Variants in ODF2 observed in about 807,000 individuals in gnomAD.
ODF2 encodes the protein outer dense fiber of sperm tails 2, also known as outer dense fiber protein 2.
A neutral mutation model predicts 110.2 loss-of-function variants in ODF2; 47 were observed. The observed-to-expected ratio is 0.43, with a 90% confidence interval of 0.34 to 0.54. The LOEUF is 0.54. Among genes scored for constraint, ODF2 ranks in the 20% least tolerant of loss-of-function variants. The probability of loss-of-function intolerance (pLI) is 0.03; values close to 1 mark genes in which losing one functional copy is unlikely to be tolerated. For synonymous variants in ODF2, 352 were observed against 397.7 expected (o/e 0.89, Z 1.37); for missense variants, 812 against 1,054.5 (o/e 0.77, Z 3.19).
intron 20 of ODF2, among the ~76,000 whole-genome samples, 154 bp downstream of exon 20, chr9:128,499,280 G>C (rs1200363441): frequency 6.6e-6 from 1 of 152,068 alleles, no homozygotes; most frequent in African/African-American, 2.4e-5. Flanking sequence ...GGATATCCTG[G>C]GTAGATATTT....
intron 14 of ODF2, among the ~76,000 whole-genome samples, chr9:128,491,393 C>T (rs1403702376): frequency 6.6e-6 from 1 of 151,506 alleles, no homozygotes; most frequent in South Asian, 2.1e-4. Context: ...TGTGGTGGCT[C>T]ACGCCTATAA....
At chr9:128,478,711 T>G (rs1369872934) in intron 8 of ODF2, among the ~76,000 whole-genome samples, 1 of 152,150 alleles carries the variant, frequency 6.6e-6, no homozygotes, top group African/African-American at 2.4e-5. Context: ...GGTCAGCTAA[T>G]TTGAATTCCC....
Position 128,456,771 on chromosome 9 carries a change from C to T in ODF2, c.-208-427C>T. 3.1e-6 allele frequency: 4 copies of T among 1,305,530 alleles called. No individual in the cohort carries two copies. The South Asian group carries it at 5.2e-5, about 17-fold the overall frequency. 80.9% of individuals were successfully genotyped at this position (1,305,530 alleles called of 1,614,324 possible). A position where few individuals can be genotyped will look rare whatever the true frequency, so the allele number is the denominator to read the frequency against. Reference sequence around the variant, plus strand: ...GCCCTCGCCCGGCGGGGGGGGGTCCCGCCCGCCCCCTCCCAGCCCGGCGTC... The same window carrying T: ...GCCCTCGCCCGGCGGGGGGGGGTCCTGCCCGCCCCCTCCCAGCCCGGCGTC... On this transcript the variant is annotated intron_variant, in intron 1 of 20. Transcript: ENST00000604420.
At chr9:128,456,190 G>A (rs771347160) in exon 1 of ODF2, 1 of 1,548,554 alleles carries the variant, frequency 6.5e-7, no homozygotes, top group Non-Finnish European at 8.7e-7. Flanking sequence ...TCCATGGCAC[G>A]ACCCTGGCCT....
At chr9:128,483,881 G>T (rs1055134402) in intron 10 of ODF2, 57 bp from the exon 11 acceptor site, 2 of 1,220,408 alleles carry the variant, frequency 1.6e-6, no homozygotes, top group African/African-American at 1.5e-5. Context: ...GCAAGACTCC[G>T]TATGAAAAAA....
In ODF2 at chr9:128,500,057, T is replaced by C. The variant is rs1435092797; in HGVS notation, c.2302-10T>C. 6.2e-7 allele frequency: 1 copy of C among 1,614,178 alleles called. No individual in the cohort carries two copies. Among genetic ancestry groups the C allele is most frequent in the Non-Finnish European group, 8.5e-7 (1 of 1,180,010 alleles). On this transcript the variant is annotated splice_polypyrimidine_tract_variant and intron_variant, in intron 20 of 20. Coordinates refer to ENST00000604420, the Ensembl canonical transcript of ODF2. ...GCACAGCGGGCCCATGCTCTGTTTC[T>C]CCTCGTTAGGCGGACCGCCGCTACC... is the stretch of plus-strand genomic sequence containing the variant.
intron 19 of ODF2, among the ~76,000 whole-genome samples, 161 bp downstream of exon 19, chr9:128,498,736 T>C (rs997999955): frequency 3.3e-5 from 5 of 152,234 alleles, no homozygotes; most frequent in Non-Finnish European, 7.3e-5. Flanking sequence ...GCACTTGATA[T>C]CTGATGATTG....
intron 10 of ODF2, among the ~76,000 whole-genome samples, chr9:128,483,674 C>T (rs927392070): frequency 1.3e-5 from 2 of 151,876 alleles, no homozygotes; most frequent in Non-Finnish European, 2.9e-5. Context: ...CACTTGAGGT[C>T]AGGAGATCGA....
chr9:128,486,702 A>G (rs1231731263), intron 13 of ODF2, among the ~76,000 whole-genome samples: 1 of 152,208 alleles, frequency 6.6e-6, no homozygotes, highest in Non-Finnish European at 1.5e-5. Context: ...TGGGGCAGGC[A>G]GCTGGCTTCT....
exon 7 of ODF2, chr9:128,472,970 G>C (rs1301464068): frequency 1.9e-6 from 3 of 1,614,038 alleles, no homozygotes; most frequent in Non-Finnish European, 2.5e-6. Flanking sequence ...AGCTGGTGGA[G>C]GCGGAAATGG....
exon 7 of ODF2, chr9:128,472,961 G>A (rs766628977): frequency 1.9e-6 from 3 of 1,614,134 alleles, no homozygotes; most frequent in South Asian, 2.2e-5. Flanking sequence ...TCATGTCCAA[G>A]CTGGTGGAGG....
intron 13 of ODF2, among the ~76,000 whole-genome samples, chr9:128,486,461 G>A (rs555483716): frequency 5.3e-5 from 8 of 152,252 alleles, no homozygotes; most frequent in African/African-American, 1.4e-4. Context: ...GGAGTTGCCA[G>A]CAAACTGATA....
intron 4 of ODF2, among the ~76,000 whole-genome samples, chr9:128,466,265 A>T (rs547367072): frequency 1.1e-3 from 163 of 152,202 alleles, no homozygotes; most frequent in African/African-American, 3.9e-3. Context: ...CAGGAGTTGG[A>T]GACCAGCTTG....
At chr9:128,467,966 A>T (rs1838730904) in intron 4 of ODF2, among the ~76,000 whole-genome samples, 1 of 152,094 alleles carries the variant, frequency 6.6e-6, no homozygotes, top group African/African-American at 2.4e-5. Flanking sequence ...AAGTGCTGGG[A>T]TTACAGGCAT....
chr9:128,474,705 G>A (rs570050568), intron 8 of ODF2, among the ~76,000 whole-genome samples: 6 of 151,624 alleles, frequency 4.0e-5, no homozygotes, highest in African/African-American at 1.5e-4. Flanking sequence ...GCTCATGCCT[G>A]TAATCCCAGC....
At chr9:128,478,992 G>T (rs1841907661) in intron 8 of ODF2, among the ~76,000 whole-genome samples, 1 of 152,170 alleles carries the variant, frequency 6.6e-6, no homozygotes, top group African/African-American at 2.4e-5. Flanking sequence ...GCTTTGGTGA[G>T]TTCATGCACA....
At chr9:128,460,899 C>T (rs1311053041) in intron 3 of ODF2, 43 bp from the exon 4 acceptor site, 2 of 1,613,474 alleles carry the variant, frequency 1.2e-6, no homozygotes, top group East Asian at 2.2e-5. Flanking sequence ...GCACCGTGGC[C>T]AGCTGGGTGT....
At chr9:128,457,540 G>A (rs1835225363) in intron 2 of ODF2, 1 of 1,411,146 alleles carries the variant, frequency 7.1e-7, no homozygotes, top group African/African-American at 1.4e-5. Context: ...CATTGTGTTT[G>A]CTGAAAGTCT....
At chr9:128,457,927 C>CTCTA (rs1554817193) in intron 2 of ODF2, among the ~76,000 whole-genome samples, 1 of 137,544 alleles carries the variant, frequency 7.3e-6, no homozygotes, top group Non-Finnish European at 1.6e-5. Flanking sequence ...CAGTAGAGGT[C>CTCTA]TATATATATA....
Sources: allele counts gnomAD v4.1 joint callset (sites outside exome capture counted in the v4.1 genomes callset), GRCh38; gene constraint gnomAD v4.1.1; transcripts MANE v1.5; gene names NCBI Gene and HGNC (gene_info 2026-07-23, HGNC 2026-07-21).